CNTN1: variants seen among roughly 807,000 people sequenced by gnomAD.
CNTN1 encodes contactin-1.
CNTN1 carries 38 observed loss-of-function variants against 126.4 expected under a neutral mutation model. The ratio of observed to expected loss-of-function variants is 0.30; its 90% CI spans 0.23 to 0.39. CNTN1 has a LOEUF of 0.39. Ranked by LOEUF, CNTN1 falls within the 10% of genes least tolerant of loss-of-function variation. The pLI, the probability that CNTN1 is intolerant of heterozygous loss-of-function variation, is 1.00. For synonymous variants in CNTN1, 413 were observed against 422.6 expected (o/e 0.98, Z 0.28); for missense variants, 1,009 against 1,248.4 (o/e 0.81, Z 2.89).
intron 15 of CNTN1, among the ~76,000 whole-genome samples, chr12:40,976,908 T>C (rs1947690295): frequency 1.3e-5 from 2 of 152,184 alleles, no homozygotes; most frequent in Admixed American, 6.5e-5. Flanking sequence ...ACATCAAAAT[T>C]ACTGGAAAAC....
intron 1 of CNTN1, among the ~76,000 whole-genome samples, chr12:40,779,334 C>A (rs767527793): frequency 1.6e-4 from 24 of 151,716 alleles, no homozygotes; most frequent in Non-Finnish European, 2.4e-4. Flanking sequence ...TTCTTAAAAA[C>A]AAGTTAAGAA....
chr12:40,983,565 A>G (rs1319969693), intron 16 of CNTN1, among the ~76,000 whole-genome samples: 3 of 151,630 alleles, frequency 2.0e-5, no homozygotes, highest in Admixed American at 6.6e-5. Context: ...ATACATGTGT[A>G]TATTCAAACA....
intron 1 of CNTN1, among the ~76,000 whole-genome samples, chr12:40,897,691 C>G (rs1944459272): frequency 6.6e-6 from 1 of 151,984 alleles, no homozygotes; most frequent in African/African-American, 2.4e-5. Context: ...CTGTATAGCC[C>G]AAGACCGTGT....
chr12:40,939,589 A>ATT, intron 12 of CNTN1, 104 bp downstream of exon 12: 1 of 1,249,728 alleles, frequency 8.0e-7, no homozygotes, highest in Non-Finnish European at 1.1e-6. Context: ...TTTGCTCTGA[A>ATT]TTTTTTTTTT....
intron 1 of CNTN1, among the ~76,000 whole-genome samples, chr12:40,764,214 C>T (rs1452621193): frequency 2.0e-5 from 3 of 152,082 alleles, no homozygotes; most frequent in Admixed American, 6.5e-5. Flanking sequence ...GGGTTAGGAA[C>T]GTTAAAGAAC....
chr12:41,016,305 G>A lies in CNTN1; in HGVS notation c.2185-377G>A, dbSNP rs184245861. 1.4e-4 allele frequency among the ~76,000 whole-genome samples: 22 copies of A among 152,308 alleles called. No homozygotes were observed. In the East Asian group the frequency reaches 4.3e-3, roughly 29 times the overall value. On this transcript the variant is annotated intron_variant, in intron 18 of 23. Coordinates refer to ENST00000551295, the MANE Select transcript of CNTN1 (RefSeq NM_001843.4). ...CAATAGGTAGGGTGCGGGACATGGA[G>A]CATTGTGTTGGAGTCTTGCAGTGGC...
chr12:40,953,561 A>G lies in CNTN1; in HGVS notation c.1684-5553A>G, dbSNP rs1454935050. 1.5e-4 allele frequency among the ~76,000 whole-genome samples: 23 copies of G among 152,144 alleles called. 1 individual carries two copies. The highest frequency in any genetic ancestry group is 1.5e-3 in the Admixed American group (23 of 15,258). ...AGTTTTATTGCTACATGTTCACCAAATGTAGAACCAGTGAGAATAAACATT... is the reference window on the plus strand; with the variant it reads ...AGTTTTATTGCTACATGTTCACCAAGTGTAGAACCAGTGAGAATAAACATT... On this transcript the variant is annotated intron_variant, in intron 14 of 23. Transcript: ENST00000551295.
intron 1 of CNTN1, among the ~76,000 whole-genome samples, chr12:40,695,617 T>G (rs1941431585): frequency 6.6e-6 from 1 of 152,194 alleles, no homozygotes; most frequent in Non-Finnish European, 1.5e-5. Flanking sequence ...AACTCACCAG[T>G]AAGCTCCTCC....
intron 1 of CNTN1, among the ~76,000 whole-genome samples, chr12:40,812,226 A>G (rs1374410041): frequency 1.3e-5 from 2 of 151,882 alleles, no homozygotes; most frequent in East Asian, 3.9e-4. Flanking sequence ...TGACTTCTAG[A>G]TTTGATTATA....
intron 1 of CNTN1, among the ~76,000 whole-genome samples, chr12:40,849,882 C>T (rs1371634999): frequency 1.3e-5 from 2 of 151,762 alleles, no homozygotes; most frequent in Admixed American, 6.6e-5. Context: ...ATGGTACATA[C>T]AGTATATATA....
Position 41,032,363 on chromosome 12 carries a change from G to A in CNTN1, c.2980+3144G>A, listed in dbSNP as rs146649421. On this transcript the variant is annotated intron_variant, in intron 23 of 23. Transcript: ENST00000551295. ...AGCCTGGGCGACAGAGCGAGACTCC[G>A]TCTCAAAAAAAAAAAAAAAAGAAAA... 5.2e-3 allele frequency among the ~76,000 whole-genome samples: 670 copies of A among 129,072 alleles called. 18 individuals carry two copies. In the East Asian group the frequency reaches 0.069, roughly 13 times the overall value. 84.7% of individuals were successfully genotyped at this position (129,072 alleles called of 152,430 possible).
At position 40,813,105 on chromosome 12, in the gene CNTN1, TTTTC is replaced by T. The variant is rs1166817906; in HGVS notation, c.-76-95239_-76-95236del. 5.4e-5 allele frequency among the ~76,000 whole-genome samples: 8 copies of T among 147,492 alleles called. 1 individual carries two copies. The South Asian group carries it at 8.6e-4, about 16-fold the overall frequency. On this transcript the variant is annotated intron_variant, in intron 1 of 23. Coordinates refer to ENST00000551295, the MANE Select transcript of CNTN1 (RefSeq NM_001843.4). The stretch of plus-strand genomic sequence containing the variant: ...TTCCTTCCTTTCTTTCTCTTTCTTT[TTTTC>T]TTTCTTTCTTTCCTTCTTTCTTTCT...
chr12:40,707,077 CA>C (rs1565626115), intron 1 of CNTN1, among the ~76,000 whole-genome samples: 274 of 150,126 alleles, frequency 1.8e-3, no homozygotes, highest in Middle Eastern at 3.4e-3. Flanking sequence ...CACACACACA[CA>C]CACACACACA....
chr12:40,918,576 G>A, intron 3 of CNTN1, 63 bp from the exon 4 acceptor site: 1 of 1,433,718 alleles, frequency 7.0e-7, no homozygotes, highest in South Asian at 1.2e-5. Flanking sequence ...TTTTTTCAAT[G>A]TTCTCAAATT....
At chr12:41,003,734 G>T (rs1284400015) in intron 17 of CNTN1, among the ~76,000 whole-genome samples, 1 of 152,088 alleles carries the variant, frequency 6.6e-6, no homozygotes, top group Non-Finnish European at 1.5e-5. Flanking sequence ...TAGTTTATGT[G>T]TATAGAGGTG....
chr12:40,757,477 G>C (rs1938659936), intron 1 of CNTN1, among the ~76,000 whole-genome samples: 1 of 152,142 alleles, frequency 6.6e-6, no homozygotes, highest in South Asian at 2.1e-4. Context: ...AAAGTATAAA[G>C]GTAAGGCTTG....
Position 40,854,026 on chromosome 12 carries a change from A to G in CNTN1, c.-76-54331A>G, listed in dbSNP as rs7980438. 9.2e-3 allele frequency among the ~76,000 whole-genome samples: 1,373 copies of G among 148,772 alleles called. 20 individuals are homozygous for G. Among genetic ancestry groups the G allele is most frequent in the African/African-American group, 0.032 (1,303 of 40,272 alleles). ...TTCAACACTTCTTTTACAGCATCCTAGATCAAAATGATTGATTTTAGAGAT... is the reference window on the plus strand; with the variant it reads ...TTCAACACTTCTTTTACAGCATCCTGGATCAAAATGATTGATTTTAGAGAT... On this transcript the variant is annotated intron_variant, in intron 1 of 23. Transcript: ENST00000551295.
chr12:40,939,689 A>G, intron 12 of CNTN1, among the ~76,000 whole-genome samples: 1 of 152,120 alleles, frequency 6.6e-6, no homozygotes, highest in Non-Finnish European at 1.5e-5. Flanking sequence ...AGGACTCTAT[A>G]ATGTATAAGG....
chr12:40,742,266 A>C (rs1004148506), intron 1 of CNTN1: 1 of 152,130 alleles, frequency 6.6e-6, no homozygotes, highest in Non-Finnish European at 1.5e-5. Context: ...GTGACTGCCA[A>C]GTTGAGTTTA....
Sources: allele counts gnomAD v4.1 joint callset (sites outside exome capture counted in the v4.1 genomes callset), GRCh38; gene constraint gnomAD v4.1.1; transcripts MANE v1.5; gene names NCBI Gene and HGNC (gene_info 2026-07-23, HGNC 2026-07-21).